Variants in NTNG1 observed in about 807,000 individuals in gnomAD.
NTNG1 encodes netrin-G1.
Under a neutral mutation model 54.0 loss-of-function variants are expected in NTNG1, and 16 were observed. The ratio of observed to expected loss-of-function variants is 0.30; its 90% CI spans 0.20 to 0.45. The LOEUF (loss-of-function observed/expected upper bound fraction) is 0.45, where lower values mean the gene tolerates loss of function less well. Ranked by LOEUF, NTNG1 falls within the 20% of genes least tolerant of loss-of-function variation. The pLI is 1.00. For synonymous variants in NTNG1, 255 were observed against 263.1 expected, an observed-to-expected ratio of 0.97 and a Z score of 0.30; for missense variants, 530 against 678.7, an observed-to-expected ratio of 0.78 and a Z score of 2.43.
At chr1:107,358,986 A>G (rs966744479) in intron 3 of NTNG1, among the ~76,000 whole-genome samples, 1 of 152,238 alleles carries the variant, frequency 6.6e-6, no homozygotes, top group African/African-American at 2.4e-5. Context: ...AAAAAAATAT[A>G]AAGTTCTATT....
intron 2 of NTNG1, among the ~76,000 whole-genome samples, chr1:107,159,521 C>A (rs1401680833): frequency 2.0e-5 from 3 of 152,108 alleles, no homozygotes; most frequent in East Asian, 3.9e-4. Flanking sequence ...CCTATCTTAT[C>A]CTTACTCACC....
intron 3 of NTNG1, among the ~76,000 whole-genome samples, chr1:107,393,612 A>G (rs1672497270): frequency 6.6e-6 from 1 of 151,944 alleles, no homozygotes; most frequent in South Asian, 2.1e-4. Flanking sequence ...ATTGTAATAG[A>G]CCCCCGAGAA....
intron 2 of NTNG1, among the ~76,000 whole-genome samples, chr1:107,191,995 T>C (rs1055154874): frequency 4.6e-5 from 7 of 152,186 alleles, no homozygotes; most frequent in Admixed American, 6.6e-5. Context: ...GGGGATGGCA[T>C]TGAATCAATA....
chr1:107,208,938 G>C (rs1376446709), intron 2 of NTNG1, among the ~76,000 whole-genome samples: 2 of 152,000 alleles, frequency 1.3e-5, no homozygotes, highest in East Asian at 3.9e-4. Context: ...GAGATTACTT[G>C]TCTCGTTGGT....
chr1:107,210,555 C>T (rs1659531788), intron 2 of NTNG1, among the ~76,000 whole-genome samples: 1 of 152,274 alleles, frequency 6.6e-6, no homozygotes, highest in Admixed American at 6.5e-5. Flanking sequence ...TCAGGCTATC[C>T]TCAAGCTATC....
chr1:107,417,960 C>T (rs1285678975), intron 5 of NTNG1, among the ~76,000 whole-genome samples: 1 of 152,000 alleles, frequency 6.6e-6, no homozygotes, highest in East Asian at 1.9e-4. Flanking sequence ...GTAAAGGCAT[C>T]ATGAAAACAC....
intron 7 of NTNG1, among the ~76,000 whole-genome samples, chr1:107,458,684 AAAG>A (rs991931806): frequency 6.0e-4 from 91 of 152,322 alleles, no homozygotes; most frequent in African/African-American, 2.2e-3. Context: ...CAACTCAGGA[AAAG>A]AAGAAGAAAA....
In NTNG1 at chr1:107,353,569, C is replaced by G. The variant is rs1669759851; in HGVS notation, c.887+28647C>G. Reference sequence around the variant, plus strand: ...ATCTAGAAAGTTTGGAAGTTCCAAACTTTCCCTCATCTTCCTGTCTTCTTC... The same window carrying G: ...ATCTAGAAAGTTTGGAAGTTCCAAAGTTTCCCTCATCTTCCTGTCTTCTTC... On this transcript the variant is annotated intron_variant, in intron 3 of 7. Coordinates refer to ENST00000370068, the MANE Select transcript of NTNG1 (RefSeq NM_001113226.3). Among the ~76,000 whole-genome samples, 3 of 152,260 alleles carry G rather than the reference C, an allele frequency of 2.0e-5. No individual in the cohort carries two copies. The South Asian group carries it at 6.2e-4, about 32-fold the overall frequency.
chr1:107,388,898 T>G (rs1672187648), intron 3 of NTNG1, among the ~76,000 whole-genome samples: 1 of 152,214 alleles, frequency 6.6e-6, no homozygotes, highest in Admixed American at 6.5e-5. Context: ...GTATCACTCT[T>G]TTAAAAAGAT....
At chr1:107,377,553 C>T (rs1049581606) in intron 3 of NTNG1, among the ~76,000 whole-genome samples, 5 of 152,198 alleles carry the variant, frequency 3.3e-5, no homozygotes, top group Non-Finnish European at 7.3e-5. Flanking sequence ...TTTGAGACAG[C>T]AAAATTCAGT....
intron 3 of NTNG1, among the ~76,000 whole-genome samples, chr1:107,392,330 G>A (rs1177912947): frequency 2.6e-5 from 4 of 152,070 alleles, no homozygotes; most frequent in South Asian, 2.1e-4. Context: ...GGAAGATGAT[G>A]TGAATTTGCT....
chr1:107,422,314 C>T (rs192755809), intron 5 of NTNG1, among the ~76,000 whole-genome samples: 251 of 151,908 alleles, frequency 1.7e-3, no homozygotes, highest in Non-Finnish European at 3.0e-3. Flanking sequence ...CATAGGGATG[C>T]CATATGGAAA....
At chr1:107,454,382 A>G (rs917286223) in intron 7 of NTNG1, among the ~76,000 whole-genome samples, 1 of 152,202 alleles carries the variant, frequency 6.6e-6, no homozygotes, top group Admixed American at 6.5e-5. Context: ...TCACAAGGAC[A>G]GTGTTTACTT....
intron 7 of NTNG1, among the ~76,000 whole-genome samples, chr1:107,453,876 T>TGA (rs1676771457): frequency 6.6e-6 from 1 of 152,136 alleles, no homozygotes; most frequent in Non-Finnish European, 1.5e-5. Context: ...ATGAGGAAAC[T>TGA]GAGTCTCAGA....
rs41277642 is a variant in NTNG1, at chr1:107,148,221, C to T, written c.-373C>T. 3,437 of 185,672 alleles carry T rather than the reference C, an allele frequency of 0.019. 62 individuals are homozygous for T. The highest frequency in any genetic ancestry group is 0.025 in the Non-Finnish European group (2,220 of 88,362). 11.5% of individuals were successfully genotyped at this position (185,672 alleles called of 1,614,324 possible). A position where few individuals can be genotyped will look rare whatever the true frequency, so the allele number is the denominator to read the frequency against. ...GGATCACTCAGGGTTATCGGATGTA[C>T]AACGGGAGAGCCATCGCTTTGCTAA... On this transcript the variant is annotated 5_prime_UTR_variant, in exon 2 of 8. Coordinates refer to ENST00000370068, the MANE Select transcript of NTNG1 (RefSeq NM_001113226.3).
chr1:107,296,634 A>C (rs1247765535), intron 2 of NTNG1, among the ~76,000 whole-genome samples: 4 of 147,878 alleles, frequency 2.7e-5, no homozygotes, highest in African/African-American at 4.9e-5. Context: ...TTCTATGAAT[A>C]TATGAAATAT....
At chr1:107,300,305 TGA>T (rs1666243535) in intron 2 of NTNG1, among the ~76,000 whole-genome samples, 1 of 152,226 alleles carries the variant, frequency 6.6e-6, no homozygotes, top group African/African-American at 2.4e-5. Context: ...TTTTAAATAC[TGA>T]GAGGTCACCT....
At chr1:107,340,694 A>G (rs1260555677) in intron 3 of NTNG1, among the ~76,000 whole-genome samples, 1 of 152,088 alleles carries the variant, frequency 6.6e-6, no homozygotes, top group Non-Finnish European at 1.5e-5. Flanking sequence ...AATCAGAAAA[A>G]TCAAGTGTGG....
chr1:107,320,925 A>G (rs936980347), intron 2 of NTNG1, among the ~76,000 whole-genome samples: 1 of 152,062 alleles, frequency 6.6e-6, no homozygotes, highest in African/African-American at 2.4e-5. Context: ...ATTGATTTCA[A>G]TAAATTGTTA....
Sources: gnomAD v4.1 joint callset for allele counts (sites outside exome capture counted in the v4.1 genomes callset) on GRCh38, gnomAD v4.1.1 for gene constraint, MANE v1.5 for transcripts, NCBI Gene and HGNC (gene_info 2026-07-23, HGNC 2026-07-21) for gene names.